The following ADARB1 variants were observed in gnomAD, a reference collection of about 807,000 sequenced individuals.
ADARB1 encodes the protein adenosine deaminase RNA specific B1.
Under a neutral mutation model 52.4 loss-of-function variants are expected in ADARB1, and 10 were observed. The observed-to-expected ratio is 0.19, with a 90% CI of 0.12 to 0.32. The LOEUF is 0.32. Among genes scored for constraint, ADARB1 ranks in the 10% least tolerant of loss-of-function variants. ADARB1 has a pLI of 1.00. For synonymous variants in ADARB1, 349 were observed against 371.1 expected (o/e 0.94, Z 0.68); for missense variants, 643 against 922.3 (o/e 0.70, Z 3.92).
chr21:45,094,354 C>A (rs1166302132), intron 1 of ADARB1, among the ~76,000 whole-genome samples: 1 of 152,136 alleles, frequency 6.6e-6, no homozygotes, highest in Non-Finnish European at 1.5e-5. Context: ...ATTTTGGACC[C>A]AATACTAGTT....
intron 2 of ADARB1, among the ~76,000 whole-genome samples, chr21:45,170,203 T>C (rs944499390): frequency 1.3e-5 from 2 of 152,264 alleles, no homozygotes; most frequent in Non-Finnish European, 2.9e-5. Context: ...TTGAAGTAAA[T>C]CCTAGATATT....
rs1253398956 is a variant in ADARB1, at chr21:45,175,862, C to T, written c.161C>T (p.Pro54Leu). Residue 54 changes from proline to leucine, a missense_variant, in exon 4 of 11, where the codon CCC (proline) becomes CTC (leucine). Pro to Leu is a moderately conservative substitution (Grantham distance 98, BLOSUM62 -3). Around this residue, in one of 2 missense-constraint regions of ADARB1, gnomAD observed 380 missense variants for 446.5 expected, o/e 0.85. Coordinates refer to ENST00000348831, the MANE Select transcript of ADARB1 (RefSeq NM_001112.4). ...GGGGGPGRKR[P>L]LEEGSNGHSK... ...GGTGGTGGCCCCGGCAGAAAGCGGC[C>T]CCTGGAGGAGGGCAGCAATGGCCAC... is the stretch of plus-strand genomic sequence containing the variant. 15 of 1,613,606 alleles carry T rather than the reference C, an allele frequency of 9.3e-6. No individual in the cohort carries two copies. Among genetic ancestry groups the T allele is most frequent in the Middle Eastern group, 3.3e-4 (2 of 6,078 alleles).
At chr21:45,148,071 C>T (rs769152086) in intron 2 of ADARB1, among the ~76,000 whole-genome samples, 7 of 152,224 alleles carry the variant, frequency 4.6e-5, no homozygotes, top group Non-Finnish European at 1.0e-4. Flanking sequence ...CCCCTCCCAG[C>T]CCCCGTCACA....
rs574540594 is a variant in ADARB1, at chr21:45,220,706, C to T, written c.1748-130C>T. 6.0e-5 allele frequency: 58 copies of T among 964,734 alleles called. No homozygotes were observed. The Admixed American group carries it at 1.2e-3, about 21-fold the overall frequency. The allele number at this position is 964,734 out of a possible 1,614,324, so 59.8% of individuals were successfully genotyped here. A position where few individuals can be genotyped will look rare whatever the true frequency, so the allele number is the denominator to read the frequency against. ...ATGCACGCTCAAGTCTGCGTATATT[C>T]CTCGGCAGGCAGAATTCCCCCACCA... On this transcript the variant is annotated intron_variant, in intron 9 of 10. Transcript: ENST00000348831. The surrounding 1 kb of genome is among the most constrained non-coding windows in gnomAD (Gnocchi z 6.3).
At chr21:45,174,872 A>G (rs1451581335) in intron 3 of ADARB1, among the ~76,000 whole-genome samples, 1 of 152,212 alleles carries the variant, frequency 6.6e-6, no homozygotes, top group Non-Finnish European at 1.5e-5. Flanking sequence ...AATTCATCAA[A>G]TAATTGTTTT....
At chr21:45,219,795 C>T (rs1340993508) in intron 9 of ADARB1, among the ~76,000 whole-genome samples, 1 of 152,096 alleles carries the variant, frequency 6.6e-6, no homozygotes, top group East Asian at 1.9e-4. Context: ...GGCGAAGCTT[C>T]CCCAGGGGGT....
chr21:45,079,434 C>T (rs972468356), intron 1 of ADARB1, among the ~76,000 whole-genome samples: 1 of 152,172 alleles, frequency 6.6e-6, no homozygotes, highest in Non-Finnish European at 1.5e-5. Flanking sequence ...TTTGACTTGG[C>T]GTTGGTGCCA....
intron 2 of ADARB1, among the ~76,000 whole-genome samples, chr21:45,132,599 A>G (rs2089021774): frequency 6.6e-6 from 1 of 152,130 alleles, no homozygotes; most frequent in Admixed American, 6.5e-5. Flanking sequence ...CAGGGCACAG[A>G]TCCTTCCTGT....
intron 1 of ADARB1, among the ~76,000 whole-genome samples, chr21:45,103,714 A>G (rs890248195): frequency 6.6e-6 from 1 of 152,102 alleles, no homozygotes; most frequent in Admixed American, 6.6e-5. Context: ...AACCATGCTC[A>G]TGTAAGATCT....
At chr21:45,177,686 C>G (rs1368758521) in intron 4 of ADARB1, 2 of 152,154 alleles carry the variant, frequency 1.3e-5, no homozygotes, top group African/African-American at 4.8e-5. Flanking sequence ...TTGAAGGTGG[C>G]TTGTGTTCCC....
intron 2 of ADARB1, among the ~76,000 whole-genome samples, chr21:45,161,700 C>T (rs1350916401): frequency 6.6e-6 from 1 of 152,176 alleles, no homozygotes; most frequent in Non-Finnish European, 1.5e-5. Flanking sequence ...GGTGAAACTC[C>T]ACCTTCAGCT....
At chr21:45,136,772 G>A (rs565833242) in intron 2 of ADARB1, among the ~76,000 whole-genome samples, 6 of 152,338 alleles carry the variant, frequency 3.9e-5, no homozygotes, top group South Asian at 2.1e-4. Context: ...GGAGAATCCC[G>A]CCCCCAGCTG....
intron 4 of ADARB1, chr21:45,177,209 A>G (rs571492840): frequency 6.4e-6 from 1 of 157,128 alleles, no homozygotes; most frequent in Non-Finnish European, 1.4e-5. Context: ...CGAGGAGCCC[A>G]TCAAAGCAGC....
intron 2 of ADARB1, among the ~76,000 whole-genome samples, chr21:45,162,352 G>C (rs1017591859): frequency 1.3e-5 from 2 of 152,120 alleles, no homozygotes; most frequent in Non-Finnish European, 2.9e-5. Flanking sequence ...CGCCTGCCTG[G>C]CTGTACACAA....
intron 1 of ADARB1, among the ~76,000 whole-genome samples, chr21:45,111,410 A>T (rs1180264822): frequency 6.6e-6 from 1 of 152,018 alleles, no homozygotes; most frequent in African/African-American, 2.4e-5. Flanking sequence ...CCCCATTATC[A>T]ACATCCGTAT....
intron 2 of ADARB1, among the ~76,000 whole-genome samples, chr21:45,140,221 A>G (rs896769696): frequency 6.6e-6 from 1 of 152,090 alleles, no homozygotes; most frequent in Non-Finnish European, 1.5e-5. Flanking sequence ...ATTCTTCTAA[A>G]GTGTGCACTC....
At chr21:45,159,218 A>G (rs1184166250) in intron 2 of ADARB1, among the ~76,000 whole-genome samples, 1 of 152,152 alleles carries the variant, frequency 6.6e-6, no homozygotes, top group Non-Finnish European at 1.5e-5. Context: ...GAACAAAGGG[A>G]CGTCTTATAT....
At chr21:45,213,474 G>A (rs2092807661) in intron 9 of ADARB1, among the ~76,000 whole-genome samples, 1 of 152,108 alleles carries the variant, frequency 6.6e-6, no homozygotes, top group Non-Finnish European at 1.5e-5. Context: ...TTAGGTCTGT[G>A]CAACCATCAC....
At position 45,223,764 on chromosome 21, in the gene ADARB1, G is replaced by A. The variant is rs117164278; in HGVS notation, c.*1567G>A. ...GCTCAGACCCCAAAACTGAAACACCGTGGCTTCGGCGGGGGGTGTGCCTCC... is the reference window on the plus strand; with the variant it reads ...GCTCAGACCCCAAAACTGAAACACCATGGCTTCGGCGGGGGGTGTGCCTCC... On this transcript the variant is annotated 3_prime_UTR_variant, in exon 11 of 11. Transcript: ENST00000348831. 1,094 of 985,464 alleles carry A rather than the reference G, an allele frequency of 1.1e-3. 2 individuals are homozygous for A. The highest frequency in any genetic ancestry group is 1.2e-3 in the Admixed American group (20 of 16,290). The allele number at this position is 985,464 out of a possible 1,614,324, so 61.0% of individuals were successfully genotyped here.
Sources: allele counts gnomAD v4.1 joint callset (sites outside exome capture counted in the v4.1 genomes callset), GRCh38; gene constraint gnomAD v4.1.1; regional missense constraint gnomAD v4.1.1; non-coding constraint Gnocchi (gnomAD v3.1); transcripts MANE v1.5; gene names NCBI Gene and HGNC (gene_info 2026-07-23, HGNC 2026-07-21).